The following CEP63 variants were observed in gnomAD, a reference collection of about 807,000 sequenced individuals.
CEP63 encodes the protein centrosomal protein 63.
In CEP63, 84 loss-of-function variants were observed where a neutral mutation model predicts 89.1. The observed-to-expected ratio is 0.94, with a 90% confidence interval of 0.79 to 1.13. The LOEUF (loss-of-function observed/expected upper bound fraction) is 1.13. CEP63 is among the 50% of genes most tolerant of loss of function. The pLI, the probability that CEP63 is intolerant of heterozygous loss-of-function variation, is 0.00. For synonymous variants in CEP63, 267 were observed against 272.5 expected (o/e 0.98, Z 0.20); for missense variants, 838 against 813.3 (o/e 1.03, Z -0.37).
intron 6 of CEP63, among the ~76,000 whole-genome samples, chr3:134,540,837 T>C (rs1951853702): frequency 6.6e-6 from 1 of 150,954 alleles, no homozygotes; most frequent in African/African-American, 2.4e-5. Flanking sequence ...CAGCCTGGAG[T>C]ACAGTGGCCT....
Position 134,572,654 on chromosome 3 carries a change from T to A in CEP63, c.1330-2139T>A, listed in dbSNP as rs537945002. On this transcript the variant is annotated intron_variant, in intron 11 of 11. Transcript: ENST00000354446. Reference sequence around the variant, plus strand: ...ACCACATTTTCTTTATCTAATCCGCTATTGATGGGCACCTGGGTTGATTCT... The same window carrying A: ...ACCACATTTTCTTTATCTAATCCGCAATTGATGGGCACCTGGGTTGATTCT... 2.0e-5 allele frequency among the ~76,000 whole-genome samples: 3 copies of A among 152,340 alleles called. No individual in the cohort carries two copies. The East Asian group carries it at 5.8e-4, about 29-fold the overall frequency.
the CEP63 span, among the ~76,000 whole-genome samples, chr3:134,693,844 C>T: frequency 3.3e-5 from 5 of 152,178 alleles, no homozygotes; most frequent in South Asian, 4.1e-4. Context: ...GTGCATGGAC[C>T]GATTACCGGG....
At chr3:134,762,790 A>G in the CEP63 span, among the ~76,000 whole-genome samples, 2 of 152,236 alleles carry the variant, frequency 1.3e-5, no homozygotes, top group African/African-American at 4.8e-5. Context: ...GCACTTCGTT[A>G]CAGCAGTTCT....
At chr3:134,540,572 G>A (rs1198017815) in intron 6 of CEP63, among the ~76,000 whole-genome samples, 1 of 151,902 alleles carries the variant, frequency 6.6e-6, no homozygotes, top group Non-Finnish European at 1.5e-5. Context: ...CCCACATTGA[G>A]CGCTATTATT....
At chr3:134,752,063 G>A in the CEP63 span, among the ~76,000 whole-genome samples, 1 of 152,180 alleles carries the variant, frequency 6.6e-6, no homozygotes, top group East Asian at 1.9e-4. Flanking sequence ...GTTGAGGGTG[G>A]ATGGACTTCC....
the CEP63 span, among the ~76,000 whole-genome samples, chr3:134,777,686 T>C: frequency 6.9e-6 from 1 of 144,518 alleles, no homozygotes; most frequent in Non-Finnish European, 1.5e-5. Flanking sequence ...TGGTCTTGGC[T>C]CGCTGCAACC....
chr3:134,584,188 C>T (rs528135257), intron 10 of CEP63, among the ~76,000 whole-genome samples: 6 of 152,122 alleles, frequency 3.9e-5, no homozygotes, highest in Non-Finnish European at 7.4e-5. Flanking sequence ...TGCCTGATTG[C>T]CCTGGCCAGA....
intron 14 of CEP63, among the ~76,000 whole-genome samples, chr3:134,560,325 A>G (rs866536657): frequency 1.1e-4 from 17 of 152,328 alleles, no homozygotes; most frequent in African/African-American, 4.1e-4. Context: ...CAGATTTTGT[A>G]TTTGTGAATT....
intron 3 of CEP63, among the ~76,000 whole-genome samples, chr3:134,512,501 C>T (rs967759326): frequency 6.6e-6 from 1 of 152,150 alleles, no homozygotes; most frequent in East Asian, 1.9e-4. Context: ...CTTTTCTTCA[C>T]CTTTATATTT....
the CEP63 span, chr3:134,651,224 C>T: frequency 7.8e-7 from 1 of 1,276,364 alleles, no homozygotes; most frequent in Non-Finnish European, 1.0e-6. Context: ...CCTTGACCTG[C>T]ACCGGGGCCA....
At chr3:134,608,102 G>C in the CEP63 span, 7 of 1,127,414 alleles carry the variant, frequency 6.2e-6, no homozygotes, top group Non-Finnish European at 7.7e-6. Context: ...GGAGACCCAT[G>C]TTGCTCCCCA....
intron 3 of CEP63, among the ~76,000 whole-genome samples, chr3:134,531,561 G>A (rs1949858957): frequency 6.6e-6 from 1 of 152,108 alleles, no homozygotes; most frequent in African/African-American, 2.4e-5. Flanking sequence ...CAGCCTGGGC[G>A]AGAGTGAGAC....
chr3:134,567,152 CAAA>C (rs57656773), downstream of CEP63, among the ~76,000 whole-genome samples: 4 of 141,452 alleles, frequency 2.8e-5, no homozygotes, highest in African/African-American at 1.0e-4. Flanking sequence ...AGGAAGAAAG[CAAA>C]AAAAAAAAAA....
chr3:134,680,164 G>A, the CEP63 span, among the ~76,000 whole-genome samples: 2 of 151,978 alleles, frequency 1.3e-5, no homozygotes, highest in Non-Finnish European at 2.9e-5. Flanking sequence ...CCCCACCAAC[G>A]TCTTGATCTT....
chr3:134,525,986 A>G (rs943593327), intron 3 of CEP63, among the ~76,000 whole-genome samples: 1 of 152,152 alleles, frequency 6.6e-6, no homozygotes, highest in Non-Finnish European at 1.5e-5. Context: ...CTCTCTAGCT[A>G]GGTTGGGAAA....
chr3:134,647,122 T>C, the CEP63 span, among the ~76,000 whole-genome samples: 3 of 152,192 alleles, frequency 2.0e-5, no homozygotes, highest in Non-Finnish European at 4.4e-5. Flanking sequence ...CTGCCTCTCA[T>C]AGGAGCACAC....
At chr3:134,498,519 T>C (rs1234388975) in intron 2 of CEP63, among the ~76,000 whole-genome samples, 1 of 152,208 alleles carries the variant, frequency 6.6e-6, no homozygotes, top group Non-Finnish European at 1.5e-5. Context: ...CAATTTGACT[T>C]CCTCCTTTCC....
chr3:134,555,745 C>G (rs373141241), intron 12 of CEP63, among the ~76,000 whole-genome samples: 2 of 150,550 alleles, frequency 1.3e-5, no homozygotes, highest in African/African-American at 4.8e-5. Context: ...GCTACCAATG[C>G]CTTTCTTCAC....
chr3:134,765,922 G>A, the CEP63 span, among the ~76,000 whole-genome samples: 67 of 152,216 alleles, frequency 4.4e-4, no homozygotes, highest in Non-Finnish European at 5.0e-4. Flanking sequence ...TACAGTGCCT[G>A]CAGCACAGAA....
Sources: allele counts gnomAD v4.1 joint callset (sites outside exome capture counted in the v4.1 genomes callset), GRCh38; gene constraint gnomAD v4.1.1; transcripts MANE v1.5; gene names NCBI Gene and HGNC (gene_info 2026-07-23, HGNC 2026-07-21).